XPO7: variants seen among roughly 807,000 people sequenced by gnomAD.
The protein encoded by XPO7 is exportin-7.
Under a neutral mutation model 144.3 loss-of-function variants are expected in XPO7, and 21 were observed. That is an observed-to-expected ratio of 0.15 (90% CI 0.10 to 0.21). XPO7 has a LOEUF of 0.21. XPO7 is among the 10% of genes least tolerant of loss of function. The pLI is 1.00. For synonymous variants in XPO7, 580 were observed against 499.6 expected, an observed-to-expected ratio of 1.16 and a Z score of -2.15; for missense variants, 808 against 1,325.8, an observed-to-expected ratio of 0.61 and a Z score of 6.06.
intron 11 of XPO7, among the ~76,000 whole-genome samples, chr8:21,983,814 T>C (rs1470461280): frequency 2.0e-5 from 3 of 152,180 alleles, no homozygotes; most frequent in Non-Finnish European, 2.9e-5. Flanking sequence ...GCACAGTGTG[T>C]AGCACATGGT....
intron 27 of XPO7, 48 bp from the exon 28 acceptor site, chr8:22,004,947 C>A: frequency 2.3e-6 from 2 of 858,734 alleles, no homozygotes; most frequent in Non-Finnish European, 3.4e-6. Context: ...AGGCAAATAC[C>A]TTTCCCCCCC....
At chr8:21,932,604 T>G (rs903239670) in intron 1 of XPO7, among the ~76,000 whole-genome samples, 2 of 152,156 alleles carry the variant, frequency 1.3e-5, no homozygotes. Flanking sequence ...CGAAAAGGGA[T>G]AAGGAGGGCC....
At chr8:21,995,053 CA>C (rs1038152748) in intron 20 of XPO7, among the ~76,000 whole-genome samples, 82 of 141,934 alleles carry the variant, frequency 5.8e-4, no homozygotes, top group African/African-American at 2.1e-3. Flanking sequence ...GACTCCATCT[CA>C]AAAAAAAATA....
Position 21,925,383 on chromosome 8 carries a change from A to G in XPO7, c.18+5595A>G, listed in dbSNP as rs934028979. ...AAGGCAGAATTGGAAACTTCATGCT[A>G]GCATTAATTGATATCATTTAATGCT... On this transcript the variant is annotated intron_variant, in intron 1 of 27. Coordinates refer to ENST00000252512, the MANE Select transcript of XPO7 (RefSeq NM_015024.5). 7.9e-5 allele frequency among the ~76,000 whole-genome samples: 12 copies of G among 152,378 alleles called. 1 individual carries two copies. The South Asian group carries it at 8.3e-4, about 11-fold the overall frequency.
chr8:21,926,280 A>G (rs1173341481), intron 1 of XPO7, among the ~76,000 whole-genome samples: 1 of 152,150 alleles, frequency 6.6e-6, no homozygotes, highest in Non-Finnish European at 1.5e-5. Flanking sequence ...TTAGCTTTTA[A>G]ATATATGAAC....
At chr8:21,925,990 C>T (rs182986291) in intron 1 of XPO7, among the ~76,000 whole-genome samples, 6 of 151,998 alleles carry the variant, frequency 3.9e-5, no homozygotes, top group Non-Finnish European at 8.8e-5. Flanking sequence ...CAAACAGTAA[C>T]GAAAGAGGTC....
chr8:21,922,833 T>C (rs1381364274), intron 1 of XPO7, among the ~76,000 whole-genome samples: 2 of 152,216 alleles, frequency 1.3e-5, no homozygotes, highest in African/African-American at 4.8e-5. Flanking sequence ...GGTCTTATTA[T>C]TTACTGGGCT....
intron 1 of XPO7, among the ~76,000 whole-genome samples, chr8:21,955,868 A>G (rs531108384): frequency 6.6e-6 from 1 of 151,308 alleles, no homozygotes. Context: ...AGCTCGGACT[A>G]CAGGTGCCCA....
At chr8:22,002,037 T>G (rs1813166334) in intron 24 of XPO7, 75 bp from the exon 25 acceptor site, 1 of 1,499,574 alleles carries the variant, frequency 6.7e-7, no homozygotes, top group Non-Finnish European at 8.9e-7. Context: ...CTAATGGATC[T>G]CACCCAAAGA....
At chr8:21,987,964 C>A in intron 15 of XPO7, 107 bp downstream of exon 15, 5 of 1,210,274 alleles carry the variant, frequency 4.1e-6, no homozygotes, top group African/African-American at 1.5e-5. Flanking sequence ...CAGCATTGAT[C>A]GTTTGCGTCA....
intron 13 of XPO7, among the ~76,000 whole-genome samples, chr8:21,986,672 T>C (rs1812589827): frequency 6.6e-6 from 1 of 152,216 alleles, no homozygotes; most frequent in Admixed American, 6.5e-5. Flanking sequence ...TGTCATAATA[T>C]AAATTTAGTT....
chr8:21,969,857 A>G, intron 3 of XPO7: 2 of 545,980 alleles, frequency 3.7e-6, no homozygotes, highest in Non-Finnish European at 6.4e-6. Context: ...ATTGTTAATG[A>G]TTTTGAATTC....
intron 8 of XPO7, among the ~76,000 whole-genome samples, chr8:21,979,664 C>T (rs945306834): frequency 3.9e-5 from 6 of 152,058 alleles, no homozygotes; most frequent in African/African-American, 1.4e-4. Context: ...GCCTCAGCCT[C>T]CCAGAGTGCT....
intron 11 of XPO7, among the ~76,000 whole-genome samples, chr8:21,983,904 G>T (rs1202712105): frequency 1.3e-5 from 2 of 152,106 alleles, no homozygotes; most frequent in African/African-American, 4.8e-5. Flanking sequence ...AACAACAGAA[G>T]AGCTCCTCAT....
intron 1 of XPO7, among the ~76,000 whole-genome samples, chr8:21,952,859 T>TA (rs1478333733): frequency 6.6e-6 from 1 of 152,222 alleles, no homozygotes; most frequent in Admixed American, 6.5e-5. Flanking sequence ...GTTAGTAAAC[T>TA]AGCCAGCATT....
intron 1 of XPO7, among the ~76,000 whole-genome samples, chr8:21,945,882 G>T (rs928032838): frequency 2.6e-5 from 4 of 152,156 alleles, no homozygotes; most frequent in Non-Finnish European, 5.9e-5. Flanking sequence ...AACCTATTCA[G>T]ACTGGAGTGT....
At chr8:21,991,092 T>C (rs1812757582) in intron 18 of XPO7, among the ~76,000 whole-genome samples, 173 bp downstream of exon 18, 2 of 152,242 alleles carry the variant, frequency 1.3e-5, no homozygotes, top group Non-Finnish European at 2.9e-5. Flanking sequence ...TCGAGGTCCT[T>C]ATAACTGGAA....
chr8:21,935,407 T>C (rs1222683567), intron 1 of XPO7, among the ~76,000 whole-genome samples: 2 of 152,248 alleles, frequency 1.3e-5, no homozygotes, highest in Non-Finnish European at 2.9e-5. Context: ...GGAAATTAAT[T>C]TGGACATTTT....
At position 21,991,862 on chromosome 8, in the gene XPO7, T is replaced by C; in HGVS notation, c.2042-6T>C. ...GGGGTTACACCCTGGGATGTTTCCT[T>C]TACAGGAGAGGATGAAGATCAGTAT... On this transcript the variant is annotated splice_polypyrimidine_tract_variant and splice_region_variant and intron_variant, in intron 18 of 27. Coordinates refer to ENST00000252512, the MANE Select transcript of XPO7 (RefSeq NM_015024.5). 1 of 1,607,464 alleles carries C rather than the reference T, an allele frequency of 6.2e-7. No individual in the cohort carries two copies. The highest frequency in any genetic ancestry group is 8.5e-7 in the Non-Finnish European group (1 of 1,177,052).
Sources: gnomAD v4.1 joint callset for allele counts (sites outside exome capture counted in the v4.1 genomes callset) on GRCh38, gnomAD v4.1.1 for gene constraint, MANE v1.5 for transcripts, NCBI Gene and HGNC (gene_info 2026-07-23, HGNC 2026-07-21) for gene names.